TASOR2: variants seen among roughly 807,000 people sequenced by gnomAD.
TASOR2 encodes the protein transcription activation suppressor family member 2, also known as protein TASOR 2.
TASOR2 carries 84 observed loss-of-function variants against 199.5 expected under a neutral mutation model. The observed-to-expected ratio is 0.42, with a 90% CI of 0.35 to 0.50. TASOR2 has a LOEUF of 0.50. TASOR2 is among the 20% of genes least tolerant of loss of function. The pLI is 0.02. For synonymous variants in TASOR2, 1,103 were observed against 1,046.6 expected (o/e 1.05, Z -1.04); for missense variants, 2,796 against 2,835.9 (o/e 0.99, Z 0.32).
rs537376323 is a variant in TASOR2, at chr10:5,687,113, T to C, written c.-288+1938T>C. 3.3e-5 allele frequency among the ~76,000 whole-genome samples: 5 copies of C among 152,358 alleles called. No homozygotes were observed. Among genetic ancestry groups the C allele is most frequent in the African/African-American group, 9.6e-5 (4 of 41,592 alleles). On this transcript the variant is annotated intron_variant, in intron 1 of 20. Coordinates refer to ENST00000328090, the Ensembl canonical transcript of TASOR2. The surrounding 1 kb of genome is among the most constrained non-coding windows in gnomAD (Gnocchi z 4.8). ...TTTATTGTGAAATATGTCATTAATATGTACTGACAAAGCGTATCTGTGTAA... is the reference window on the plus strand; with the variant it reads ...TTTATTGTGAAATATGTCATTAATACGTACTGACAAAGCGTATCTGTGTAA...
At chr10:5,713,072 A>G (rs1477354633) in intron 2 of TASOR2, among the ~76,000 whole-genome samples, 154 bp downstream of exon 2, 1 of 152,196 alleles carries the variant, frequency 6.6e-6, no homozygotes, top group African/African-American at 2.4e-5. Context: ...AAAGCCAGTC[A>G]TGAAGGAGAT....
chr10:5,709,512 T>C, intron 1 of TASOR2: 1 of 1,227,900 alleles, frequency 8.1e-7, no homozygotes. Flanking sequence ...TATGATTTTT[T>C]TTCTTTCTTC....
At chr10:5,728,630 C>A (rs541793410) in intron 10 of TASOR2, among the ~76,000 whole-genome samples, 6 of 151,344 alleles carry the variant, frequency 4.0e-5, no homozygotes, top group African/African-American at 7.3e-5. Context: ...AAAAAAAAAA[C>A]AAAACAATTC....
intron 13 of TASOR2, among the ~76,000 whole-genome samples, chr10:5,741,176 A>C (rs933150561): frequency 1.2e-4 from 18 of 152,236 alleles, no homozygotes; most frequent in African/African-American, 4.1e-4. Flanking sequence ...GACATTCTGC[A>C]TTTCTAACAA....
chr10:5,753,191 G>A (rs1228195089), intron 15 of TASOR2, among the ~76,000 whole-genome samples: 6 of 152,172 alleles, frequency 3.9e-5, no homozygotes, highest in African/African-American at 4.8e-5. Flanking sequence ...CTGCCTTAAC[G>A]TGAAACTCCA....
intron 1 of TASOR2, among the ~76,000 whole-genome samples, chr10:5,703,917 T>C (rs557437004): frequency 6.6e-6 from 1 of 152,106 alleles, no homozygotes; most frequent in African/African-American, 2.4e-5. Flanking sequence ...GCTAGACTTA[T>C]AATTTGAGAA....
intron 14 of TASOR2, among the ~76,000 whole-genome samples, chr10:5,744,349 C>A (rs980428814): frequency 6.6e-6 from 1 of 152,166 alleles, no homozygotes; most frequent in African/African-American, 2.4e-5. Context: ...GTCTCCCAGG[C>A]TGGAGTACAA....
chr10:5,719,127 G>T lies in TASOR2; in HGVS notation c.-100+1377G>T, dbSNP rs1266244649. Among the ~76,000 whole-genome samples, 1 of 152,076 alleles carries T rather than the reference G, an allele frequency of 6.6e-6. No individual in the cohort carries two copies. The highest frequency in any genetic ancestry group is 1.5e-5 in the Non-Finnish European group (1 of 68,000). On this transcript the variant is annotated intron_variant, in intron 3 of 20. Transcript: ENST00000328090. The surrounding 1 kb of genome is among the most constrained non-coding windows in gnomAD (Gnocchi z 4.1). ...CTTTGGTGGGTCTGTAAATGAAGAG[G>T]CAGGACTTAAACAACAACAAAACAT... is the stretch of plus-strand genomic sequence containing the variant.
At chr10:5,694,665 A>G (rs984944398) in intron 1 of TASOR2, among the ~76,000 whole-genome samples, 6 of 152,154 alleles carry the variant, frequency 3.9e-5, no homozygotes, top group Non-Finnish European at 7.3e-5. Flanking sequence ...GGGCATCTTA[A>G]TTTGTTTTTG....
chr10:5,743,159 C>T (rs1408293430), intron 14 of TASOR2, among the ~76,000 whole-genome samples: 3 of 152,126 alleles, frequency 2.0e-5, no homozygotes, highest in Admixed American at 1.3e-4. Context: ...ACAAAATTAC[C>T]TACCTTTTAA....
rs1216054474 is a variant in TASOR2, at chr10:5,730,241, T to G, written c.488-246T>G. 6.6e-6 allele frequency among the ~76,000 whole-genome samples: 1 copy of G among 152,204 alleles called. No homozygotes were observed. Among genetic ancestry groups the G allele is most frequent in the Non-Finnish European group, 1.5e-5 (1 of 68,042 alleles). ...AGGGTTTAGTTTACTTGTTCTAACC[T>G]AGTGATTGCATGTCAGATGATTCTT... On this transcript the variant is annotated intron_variant, in intron 10 of 20. Transcript: ENST00000328090. This position sits in a 1 kb window ranked among gnomAD's most constrained non-coding sequence, Gnocchi z 4.1.
At position 5,685,899 on chromosome 10, in the gene TASOR2, G is replaced by A. The variant is rs1835755801; in HGVS notation, c.-288+724G>A. Among the ~76,000 whole-genome samples, 1 of 152,190 alleles carries A rather than the reference G, an allele frequency of 6.6e-6. No homozygotes were observed. The highest frequency in any genetic ancestry group is 2.1e-4 in the South Asian group (1 of 4,826). ...GTACAATTAGAATAGAAAAGTTTAT[G>A]AAAGTGTATCCAAAACTTAAATATG... On this transcript the variant is annotated intron_variant, in intron 1 of 20. Transcript: ENST00000328090. This position sits in a 1 kb window ranked among gnomAD's most constrained non-coding sequence, Gnocchi z 5.4.
chr10:5,710,502 T>C lies in TASOR2; in HGVS notation c.-287-2321T>C, dbSNP rs1277662319. On this transcript the variant is annotated intron_variant, in intron 1 of 20. Coordinates refer to ENST00000328090, the Ensembl canonical transcript of TASOR2. The surrounding 1 kb of genome is among the most constrained non-coding windows in gnomAD (Gnocchi z 4.6). Reference sequence around the variant, plus strand: ...ATCATTGGCTTTATTTATAGCTATATAGGGAACAGTATTCCCCACACTGGT... The same window carrying C: ...ATCATTGGCTTTATTTATAGCTATACAGGGAACAGTATTCCCCACACTGGT... Among the ~76,000 whole-genome samples the C allele has an allele frequency of 1.3e-5, 2 of 152,106 alleles. No homozygotes were observed. The highest frequency in any genetic ancestry group is 2.9e-5 in the Non-Finnish European group (2 of 67,940).
At position 5,712,310 on chromosome 10, in the gene TASOR2, T is replaced by A; in HGVS notation, c.-287-513T>A. ...TTATATAGGAAAGGAATAGGTGATG[T>A]TTTGAGTGATATTCAGTGTGTCTCC... On this transcript the variant is annotated intron_variant, in intron 1 of 20. Transcript: ENST00000328090. 4 of 1,002,630 alleles carry A rather than the reference T, an allele frequency of 4.0e-6. No homozygotes were observed. The South Asian group carries it at 2.1e-4, about 52-fold the overall frequency. The allele number at this position is 1,002,630 out of a possible 1,614,324, so 62.1% of individuals were successfully genotyped here.
Position 5,750,068 on chromosome 10 carries a change from G to T in TASOR2, c.6606+41G>T. The T allele has an allele frequency of 6.6e-7, 1 of 1,521,032 alleles. No homozygotes were observed. Among genetic ancestry groups the T allele is most frequent in the South Asian group, 1.3e-5 (1 of 74,404 alleles). 94.2% of individuals were successfully genotyped at this position (1,521,032 alleles called of 1,614,324 possible). On this transcript the variant is annotated intron_variant, in intron 15 of 20. Transcript: ENST00000328090. This position sits in a 1 kb window ranked among gnomAD's most constrained non-coding sequence, Gnocchi z 5.4. ...CGTCTTACGTATTATTTTAATTGCTGATTTTAGTTTTAGAAATAATAAATT... is the reference window on the plus strand; with the variant it reads ...CGTCTTACGTATTATTTTAATTGCTTATTTTAGTTTTAGAAATAATAAATT...
exon 1 of TASOR2, chr10:5,684,858 G>A (rs11259192): frequency 0.1 from 41,120 of 397,348 alleles, 2,499 homozygotes; most frequent in Admixed American, 0.17. Context: ...GCTAGCGCCG[G>A]TCAGAGAGAA....
rs1833218799 is a variant in TASOR2 at position 5,720,511 on chromosome 10, C to G, written c.-99-33C>G. The G allele has an allele frequency of 2.6e-6, 4 of 1,524,474 alleles. No individual in the cohort carries two copies. In the South Asian group the frequency reaches 5.0e-5, roughly 19 times the overall value. The allele number at this position is 1,524,474 out of a possible 1,614,324, so 94.4% of individuals were successfully genotyped here. A position where few individuals can be genotyped will look rare whatever the true frequency, so the allele number is the denominator to read the frequency against. On this transcript the variant is annotated intron_variant, in intron 3 of 20. Coordinates refer to ENST00000328090, the Ensembl canonical transcript of TASOR2. The surrounding 1 kb of genome is among the most constrained non-coding windows in gnomAD (Gnocchi z 5.3). ...TTGGTACATATGCAGTTCCATAGTG[C>G]TACCCTGATAATACTTATTTTTCCT...
exon 15 of TASOR2, chr10:5,747,874 G>A (rs1342120019): frequency 1.2e-6 from 2 of 1,613,606 alleles, no homozygotes; most frequent in Non-Finnish European, 8.5e-7. Flanking sequence ...AATATTAACT[G>A]ATCATCCAGG....
Position 5,730,707 on chromosome 10 carries a change from G to A in TASOR2, c.708G>A (p.Leu236=), listed in dbSNP as rs1346157373. 2 of 1,614,146 alleles carry A rather than the reference G, an allele frequency of 1.2e-6. No individual in the cohort carries two copies. Among genetic ancestry groups the A allele is most frequent in the African/African-American group, 1.3e-5 (1 of 75,028 alleles). Residue 236 remains leucine, a synonymous_variant, in exon 11 of 21, where the codon TTG becomes TTA. Coordinates refer to ENST00000328090, the Ensembl canonical transcript of TASOR2. This position sits in a 1 kb window ranked among gnomAD's most constrained non-coding sequence, Gnocchi z 4.1. ...ATAGAATGAAAGACCCTACATTCTT[G>A]GGGAAACTGCCCAGTGGTTTTGACT... is the stretch of plus-strand genomic sequence containing the variant.
Sources: gnomAD v4.1 joint callset for allele counts (sites outside exome capture counted in the v4.1 genomes callset) on GRCh38, gnomAD v4.1.1 for gene constraint, Gnocchi (gnomAD v3.1) non-coding constraint, MANE v1.5 for transcripts, NCBI Gene and HGNC (gene_info 2026-07-23, HGNC 2026-07-21) for gene names.